The following ZDHHC14 variants were observed in gnomAD, a reference collection of about 807,000 sequenced individuals.
ZDHHC14 encodes zDHHC palmitoyltransferase 14.
In ZDHHC14, 16 loss-of-function variants were observed where a neutral mutation model predicts 47.7. That is an observed-to-expected ratio of 0.34 (90% CI 0.23 to 0.51). The LOEUF (loss-of-function observed/expected upper bound fraction) is 0.51. Ranked by LOEUF, ZDHHC14 falls within the 20% of genes least tolerant of loss-of-function variation. The pLI is 0.97. For missense variants in ZDHHC14, 515 were observed against 662.5 expected (o/e 0.78, Z 2.44); for synonymous variants, 293 against 278.9 (o/e 1.05, Z -0.50).
chr6:157,580,094 G>T (rs993136278), intron 2 of ZDHHC14, among the ~76,000 whole-genome samples: 2 of 152,152 alleles, frequency 1.3e-5, no homozygotes, highest in Admixed American at 6.6e-5. Context: ...TTTTTAACAG[G>T]AAGAGATGTT....
intron 2 of ZDHHC14, among the ~76,000 whole-genome samples, chr6:157,562,019 G>T (rs1417171474): frequency 6.6e-6 from 1 of 152,122 alleles, no homozygotes; most frequent in Non-Finnish European, 1.5e-5. Flanking sequence ...AGAAACCTGG[G>T]TGTTTATAAC....
intron 2 of ZDHHC14, among the ~76,000 whole-genome samples, chr6:157,564,545 G>T (rs1782829929): frequency 6.6e-6 from 1 of 152,216 alleles, no homozygotes. Context: ...TGAGTTGTCA[G>T]ACATCTCTGC....
intron 2 of ZDHHC14, among the ~76,000 whole-genome samples, chr6:157,554,363 C>T (rs908668797): frequency 8.5e-5 from 13 of 152,158 alleles, no homozygotes; most frequent in East Asian, 5.8e-4. Context: ...GTAGGCGAGA[C>T]GGCACGAGTT....
chr6:157,480,433 A>C (rs767734273), intron 1 of ZDHHC14, among the ~76,000 whole-genome samples: 26 of 151,858 alleles, frequency 1.7e-4, no homozygotes, highest in Non-Finnish European at 3.4e-4. Flanking sequence ...ATGCCCAGCT[A>C]ATTTTTGTAT....
chr6:157,451,483 T>G lies in ZDHHC14; in HGVS notation c.245+69217T>G, dbSNP rs1475298236. On this transcript the variant is annotated intron_variant, in intron 1 of 8. Transcript: ENST00000359775. ...TATTTGATAAACGTTGATTTAACAT[T>G]TATTTATTCAGTAACCATCCACTAA... Among the ~76,000 whole-genome samples the G allele has an allele frequency of 2.6e-5, 4 of 152,378 alleles. No individual in the cohort carries two copies. The East Asian group carries it at 5.8e-4, about 22-fold the overall frequency.
chr6:157,593,941 A>C (rs1421640789), intron 3 of ZDHHC14, among the ~76,000 whole-genome samples: 2 of 152,218 alleles, frequency 1.3e-5, no homozygotes, highest in Non-Finnish European at 2.9e-5. Context: ...AGGAGAGGAC[A>C]AAAGCTTTGC....
intron 1 of ZDHHC14, among the ~76,000 whole-genome samples, chr6:157,531,994 C>G (rs1781385130): frequency 6.6e-6 from 1 of 152,264 alleles, no homozygotes; most frequent in Non-Finnish European, 1.5e-5. Context: ...CTGGGTAAAG[C>G]TGTGCTCACT....
chr6:157,591,617 G>T (rs569975056), intron 2 of ZDHHC14, among the ~76,000 whole-genome samples: 19 of 152,156 alleles, frequency 1.2e-4, no homozygotes, highest in African/African-American at 4.3e-4. Context: ...GTCTTTATTG[G>T]CAGCATGAGA....
rs142486451 is a variant in ZDHHC14, at chr6:157,426,487, C to G, written c.245+44221C>G. Among the ~76,000 whole-genome samples the G allele has an allele frequency of 5.0e-3, 760 of 152,290 alleles. 9 individuals carry two copies. The highest frequency in any genetic ancestry group is 0.017 in the African/African-American group (725 of 41,556). ...CCACAGAGCAGTTTGGCCCCCACTTCATGGAGCTGACTCGTTGAGTTTGAG... is the reference window on the plus strand; with the variant it reads ...CCACAGAGCAGTTTGGCCCCCACTTGATGGAGCTGACTCGTTGAGTTTGAG... On this transcript the variant is annotated intron_variant, in intron 1 of 8. Coordinates refer to ENST00000359775, the MANE Select transcript of ZDHHC14 (RefSeq NM_024630.3).
chr6:157,550,452 C>T (rs1207393327), intron 2 of ZDHHC14, among the ~76,000 whole-genome samples: 4 of 137,536 alleles, frequency 2.9e-5, no homozygotes, highest in Admixed American at 6.7e-5. Flanking sequence ...AGAGAGACCA[C>T]GGCATCACAC....
intron 3 of ZDHHC14, among the ~76,000 whole-genome samples, chr6:157,597,450 CTGTAA>C (rs1253681036): frequency 6.6e-6 from 1 of 152,216 alleles, no homozygotes; most frequent in Non-Finnish European, 1.5e-5. Context: ...CAGCCTAAAC[CTGTAA>C]TAAAAAGGGA....
chr6:157,491,254 C>T (rs373028076), intron 1 of ZDHHC14, among the ~76,000 whole-genome samples: 2 of 152,346 alleles, frequency 1.3e-5, no homozygotes, highest in East Asian at 1.9e-4. Context: ...GGTACACAGA[C>T]GTGCTCAACA....
chr6:157,480,791 GT>G (rs1156621703), intron 1 of ZDHHC14, among the ~76,000 whole-genome samples: 2 of 152,136 alleles, frequency 1.3e-5, no homozygotes, highest in South Asian at 2.1e-4. Flanking sequence ...CTGATTCTGG[GT>G]TATGTGCTCA....
intron 1 of ZDHHC14, among the ~76,000 whole-genome samples, chr6:157,528,721 G>A (rs544277159): frequency 6.6e-6 from 1 of 151,610 alleles, no homozygotes; most frequent in South Asian, 2.1e-4. Flanking sequence ...GACAGAGCAA[G>A]ACTTCATCTC....
At chr6:157,467,442 T>C (rs1413652979) in intron 1 of ZDHHC14, among the ~76,000 whole-genome samples, 1 of 152,234 alleles carries the variant, frequency 6.6e-6, no homozygotes, top group Non-Finnish European at 1.5e-5. Flanking sequence ...CTTTTGTGCC[T>C]GGCTTCTCTC....
intron 1 of ZDHHC14, among the ~76,000 whole-genome samples, chr6:157,415,826 A>G (rs980165242): frequency 6.6e-6 from 1 of 151,922 alleles, no homozygotes; most frequent in Non-Finnish European, 1.5e-5. Flanking sequence ...GTGAGCCGAG[A>G]TGGTGCCATT....
At chr6:157,401,246 T>C (rs1453336669) in intron 1 of ZDHHC14, among the ~76,000 whole-genome samples, 1 of 152,024 alleles carries the variant, frequency 6.6e-6, no homozygotes, top group Non-Finnish European at 1.5e-5. Context: ...TAAAAAAAGC[T>C]TTTTTTTAGA....
At chr6:157,472,968 G>A (rs1307653557) in intron 1 of ZDHHC14, among the ~76,000 whole-genome samples, 2 of 152,154 alleles carry the variant, frequency 1.3e-5, no homozygotes, top group Non-Finnish European at 2.9e-5. Flanking sequence ...ACTATGCTTT[G>A]AAAAGCAAAG....
In ZDHHC14 at chr6:157,387,340, C is replaced by T. The variant is rs201773883; in HGVS notation, c.245+5074C>T. Reference sequence around the variant, plus strand: ...CAAATAAAAGTGTCATTTCCAAGAACGACGTCTCTGTTATAGATGGGTAAC... The same window carrying T: ...CAAATAAAAGTGTCATTTCCAAGAATGACGTCTCTGTTATAGATGGGTAAC... On this transcript the variant is annotated intron_variant, in intron 1 of 8. Transcript: ENST00000359775. Among the ~76,000 whole-genome samples, 10 of 152,236 alleles carry T rather than the reference C, an allele frequency of 6.6e-5. No individual in the cohort carries two copies. In the East Asian group the frequency reaches 1.7e-3, roughly 26 times the overall value.
Sources: gnomAD v4.1 joint callset for allele counts (sites outside exome capture counted in the v4.1 genomes callset) on GRCh38, gnomAD v4.1.1 for gene constraint, MANE v1.5 for transcripts, NCBI Gene and HGNC (gene_info 2026-07-23, HGNC 2026-07-21) for gene names.